MYO5A: variants seen among roughly 807,000 people sequenced by gnomAD.
MYO5A encodes myosin VA.
In MYO5A, 98 loss-of-function variants were observed where a neutral mutation model predicts 249.7. The ratio of observed to expected loss-of-function variants is 0.39; its 90% confidence interval spans 0.33 to 0.46. The LOEUF (loss-of-function observed/expected upper bound fraction) is 0.46. Ranked by LOEUF, MYO5A falls within the 20% of genes least tolerant of loss-of-function variation. The probability of loss-of-function intolerance (pLI) is 0.98; values close to 1 mark genes in which losing one functional copy is unlikely to be tolerated. For missense variants in MYO5A, 1,696 were observed against 2,308.8 expected (o/e 0.73, Z 5.44); for synonymous variants, 778 against 810.6 (o/e 0.96, Z 0.68).
At chr15:52,508,224 C>A (rs1317267313) in intron 1 of MYO5A, among the ~76,000 whole-genome samples, 1 of 151,858 alleles carries the variant, frequency 6.6e-6, no homozygotes, top group Non-Finnish European at 1.5e-5. Context: ...TCTCTATTTT[C>A]TTTTCATAGT....
intron 1 of MYO5A, among the ~76,000 whole-genome samples, chr15:52,523,914 T>C (rs1322804327): frequency 7.1e-6 from 1 of 140,974 alleles, no homozygotes; most frequent in Non-Finnish European, 1.6e-5. Flanking sequence ...GTCTGAGAAA[T>C]ACAGTCTCGA....
At chr15:52,505,151 A>C in intron 1 of MYO5A, 1 of 720,948 alleles carries the variant, frequency 1.4e-6, no homozygotes, top group Non-Finnish European at 2.5e-6. Flanking sequence ...CAGGGCCCTC[A>C]ATTCGTACAT....
chr15:52,396,521 C>G (rs950991331), intron 10 of MYO5A, 124 bp from the exon 11 acceptor site: 4 of 644,310 alleles, frequency 6.2e-6, no homozygotes, highest in African/African-American at 5.5e-5. Flanking sequence ...AACTTTCTTT[C>G]CATATCAGTG....
At chr15:52,343,581 C>G (rs543131921) in intron 30 of MYO5A, among the ~76,000 whole-genome samples, 8 of 152,178 alleles carry the variant, frequency 5.3e-5, no homozygotes, top group Non-Finnish European at 1.0e-4. Context: ...CAGCTACTGT[C>G]TTTGTGTGGC....
At chr15:52,355,455 G>A (rs1246992392) in intron 25 of MYO5A, among the ~76,000 whole-genome samples, 1 of 152,234 alleles carries the variant, frequency 6.6e-6, no homozygotes, top group African/African-American at 2.4e-5. Flanking sequence ...GGTTAGGCTT[G>A]GCTGTGTCCC....
At position 52,311,335 on chromosome 15, in the gene MYO5A, AC is replaced by A. The variant is rs1175613557; in HGVS notation, c.*2360del. ...TGTACCACGTTGCATTTTCTTAGCA[AC>A]TCCCCAACTTACAGCCTATCGGATG... On this transcript the variant is annotated 3_prime_UTR_variant, in exon 42 of 42. Coordinates refer to ENST00000399233, the MANE Select transcript of MYO5A (RefSeq NM_001382347.1). 6.6e-6 allele frequency: 1 copy of A among 151,928 alleles called. No homozygotes were observed. Among genetic ancestry groups the A allele is most frequent in the African/African-American group, 2.4e-5 (1 of 41,340 alleles). 9.4% of individuals were successfully genotyped at this position (151,928 alleles called of 1,614,324 possible).
At chr15:52,317,334 T>C in intron 39 of MYO5A, 112 bp from the exon 40 acceptor site, 2 of 1,077,758 alleles carry the variant, frequency 1.9e-6, no homozygotes, top group East Asian at 2.5e-5. Context: ...ACAGGCAGTA[T>C]TTTTGTTCAA....
At chr15:52,379,946 C>T (rs1398977582) in intron 16 of MYO5A, 38 bp from the exon 17 acceptor site, 2 of 1,607,852 alleles carry the variant, frequency 1.2e-6, no homozygotes, top group East Asian at 2.2e-5. Context: ...CCACAAAGAA[C>T]CTGGCTGGTG....
At chr15:52,407,420 A>C (rs1340853065) in intron 7 of MYO5A, 21 bp from the exon 8 acceptor site, 4 of 1,589,532 alleles carry the variant, frequency 2.5e-6, no homozygotes, top group Non-Finnish European at 3.5e-6. Flanking sequence ...GAAAAATAAA[A>C]ATTTTCTGGT....
intron 11 of MYO5A, among the ~76,000 whole-genome samples, chr15:52,394,526 C>T (rs2042396864): frequency 6.6e-6 from 1 of 152,056 alleles, no homozygotes; most frequent in Admixed American, 6.5e-5. Flanking sequence ...AAGGAAAGAA[C>T]CTGACATTGG....
chr15:52,518,792 TAA>T (rs2077551013), intron 1 of MYO5A, among the ~76,000 whole-genome samples: 1 of 152,188 alleles, frequency 6.6e-6, no homozygotes, highest in Non-Finnish European at 1.5e-5. Context: ...TTGAAACACA[TAA>T]ACATGCTCAC....
At chr15:52,493,565 G>C (rs1021404864) in intron 1 of MYO5A, among the ~76,000 whole-genome samples, 2 of 152,100 alleles carry the variant, frequency 1.3e-5, no homozygotes, top group Non-Finnish European at 2.9e-5. Flanking sequence ...GGGAGGCTGA[G>C]GCAAGAGAAT....
At chr15:52,384,089 A>C in intron 15 of MYO5A, 72 bp downstream of exon 15, 1 of 1,589,792 alleles carries the variant, frequency 6.3e-7, no homozygotes, top group Non-Finnish European at 8.6e-7. Flanking sequence ...TGGGAGGCTG[A>C]AGAGGGAAGA....
At chr15:52,379,761 C>T in intron 17 of MYO5A, 28 bp from the exon 18 acceptor site, 1 of 1,613,958 alleles carries the variant, frequency 6.2e-7, no homozygotes, top group East Asian at 2.2e-5. Flanking sequence ...TCTGAGTTTA[C>T]TTAAAGAACT....
At chr15:52,425,721 A>G (rs2075380403) in intron 4 of MYO5A, 109 bp downstream of exon 4, 1 of 1,265,792 alleles carries the variant, frequency 7.9e-7, no homozygotes, top group African/African-American at 1.5e-5. Context: ...CTGCTTATTT[A>G]GTAATTATTT....
intron 34 of MYO5A, among the ~76,000 whole-genome samples, chr15:52,332,865 T>C (rs942270851): frequency 6.6e-6 from 1 of 152,132 alleles, no homozygotes; most frequent in Non-Finnish European, 1.5e-5. Flanking sequence ...CTTGGGAGGC[T>C]GAGGCAGGAG....
chr15:52,497,112 C>T (rs1353363797), intron 1 of MYO5A, among the ~76,000 whole-genome samples: 1 of 152,172 alleles, frequency 6.6e-6, no homozygotes, highest in Non-Finnish European at 1.5e-5. Context: ...CAGGCATGCA[C>T]CACCATGCCC....
intron 1 of MYO5A, among the ~76,000 whole-genome samples, chr15:52,521,429 T>C (rs140137608): frequency 1.6e-4 from 25 of 152,304 alleles, no homozygotes; most frequent in African/African-American, 6.0e-4. Flanking sequence ...TGGCCAGGAC[T>C]ATATGTTTTT....
At chr15:52,379,587 C>A in intron 18 of MYO5A, 38 bp downstream of exon 18, 2 of 1,566,736 alleles carry the variant, frequency 1.3e-6, no homozygotes, top group Non-Finnish European at 1.8e-6. Context: ...AACCACAAGG[C>A]CTTCTGCTCA....
Sources: gnomAD v4.1 joint callset for allele counts (sites outside exome capture counted in the v4.1 genomes callset) on GRCh38, gnomAD v4.1.1 for gene constraint, MANE v1.5 for transcripts, NCBI Gene and HGNC (gene_info 2026-07-23, HGNC 2026-07-21) for gene names.